The following QKI variants were observed in gnomAD, a reference collection of about 807,000 sequenced individuals.
QKI encodes QKI, KH domain containing RNA binding.
A neutral mutation model predicts 39.0 loss-of-function variants in QKI; 10 were observed. The ratio of observed to expected loss-of-function variants is 0.26; its 90% CI spans 0.16 to 0.43. QKI has a LOEUF of 0.43. Among genes scored for constraint, QKI ranks in the 20% least tolerant of loss-of-function variants. QKI has a pLI of 1.00. For synonymous variants in QKI, 204 were observed against 155.4 expected (o/e 1.31, Z -2.33); for missense variants, 218 against 428.0 (o/e 0.51, Z 4.33).
intron 1 of QKI, among the ~76,000 whole-genome samples, chr6:163,429,681 T>G (rs772013762): frequency 1.2e-4 from 19 of 152,206 alleles, no homozygotes; most frequent in Non-Finnish European, 2.4e-4. Flanking sequence ...CATTTTATGT[T>G]GCATTGCAGT....
At chr6:163,417,822 A>T (rs1171889109) in intron 1 of QKI, among the ~76,000 whole-genome samples, 1 of 152,182 alleles carries the variant, frequency 6.6e-6, no homozygotes, top group Non-Finnish European at 1.5e-5. Flanking sequence ...TGGGCAATAT[A>T]ATGACGAGGA....
intron 4 of QKI, 49 bp downstream of exon 4, chr6:163,535,174 C>A: frequency 1.3e-6 from 2 of 1,495,048 alleles, no homozygotes; most frequent in South Asian, 1.4e-5. Flanking sequence ...CCTTTTTTGT[C>A]AGTTTATTTT....
At chr6:163,463,986 C>T (rs1791538943) in intron 2 of QKI, among the ~76,000 whole-genome samples, 1 of 152,162 alleles carries the variant, frequency 6.6e-6, no homozygotes, top group South Asian at 2.1e-4. Context: ...TCAGCTCCCC[C>T]TCATCCCACA....
chr6:163,473,706 A>T (rs1473555782), intron 2 of QKI, among the ~76,000 whole-genome samples: 1 of 152,230 alleles, frequency 6.6e-6, no homozygotes. Flanking sequence ...AACTTTCTGT[A>T]GTGAAATCTC....
At chr6:163,559,463 T>A (rs1782858861) in intron 4 of QKI, among the ~76,000 whole-genome samples, 1 of 152,156 alleles carries the variant, frequency 6.6e-6, no homozygotes, top group Non-Finnish European at 1.5e-5. Context: ...TATAATGGAT[T>A]TGATTCTTCT....
chr6:163,503,440 T>C (rs1193754939), intron 3 of QKI, among the ~76,000 whole-genome samples: 2 of 152,186 alleles, frequency 1.3e-5, no homozygotes, highest in Non-Finnish European at 2.9e-5. Flanking sequence ...TTGAATTGTT[T>C]AAGTTCCTTA....
At chr6:163,526,938 A>G (rs924325547) in intron 3 of QKI, among the ~76,000 whole-genome samples, 1 of 152,196 alleles carries the variant, frequency 6.6e-6, no homozygotes, top group Non-Finnish European at 1.5e-5. Flanking sequence ...GGCAGTCAAT[A>G]AGTACTGTGT....
intron 3 of QKI, among the ~76,000 whole-genome samples, chr6:163,534,173 C>G (rs1781049569): frequency 1.3e-5 from 2 of 152,218 alleles, no homozygotes; most frequent in South Asian, 4.2e-4. Flanking sequence ...ACTTAACCTC[C>G]CTGTAGCTTA....
intron 2 of QKI, among the ~76,000 whole-genome samples, chr6:163,477,024 T>G (rs1792661953): frequency 6.7e-6 from 1 of 150,240 alleles, no homozygotes; most frequent in South Asian, 2.1e-4. Context: ...TGTTTTGTTT[T>G]TTTTTTTTTG....
chr6:163,514,167 G>T (rs1378808594), intron 3 of QKI, among the ~76,000 whole-genome samples: 1 of 152,122 alleles, frequency 6.6e-6, no homozygotes, highest in Admixed American at 6.6e-5. Flanking sequence ...AACACCTGTG[G>T]CTTACTGCTG....
chr6:163,472,023 C>T (rs1237879800), intron 2 of QKI, among the ~76,000 whole-genome samples: 2 of 152,102 alleles, frequency 1.3e-5, no homozygotes, highest in African/African-American at 4.8e-5. Flanking sequence ...GAAAGATATA[C>T]ACTTGACCCT....
chr6:163,552,312 C>T (rs1782282750), intron 4 of QKI, among the ~76,000 whole-genome samples: 1 of 150,474 alleles, frequency 6.6e-6, no homozygotes, highest in Admixed American at 6.6e-5. Context: ...GGGTTCATGC[C>T]ATTCTCCTGC....
At chr6:163,416,915 CA>C (rs4055816) in intron 1 of QKI, among the ~76,000 whole-genome samples, 8,659 of 147,026 alleles carry the variant, frequency 0.059, 362 homozygotes, top group African/African-American at 0.11. Flanking sequence ...TCTGGAATGT[CA>C]AAAAAAAAAA....
chr6:163,476,334 G>C (rs750678771), intron 2 of QKI, among the ~76,000 whole-genome samples: 1 of 148,936 alleles, frequency 6.7e-6, no homozygotes, highest in African/African-American at 2.5e-5. Flanking sequence ...TTTTCTCAAG[G>C]GTCAGTCTCT....
At chr6:163,521,832 A>G (rs1780181126) in intron 3 of QKI, among the ~76,000 whole-genome samples, 1 of 152,010 alleles carries the variant, frequency 6.6e-6, no homozygotes, top group Admixed American at 6.6e-5. Context: ...GTATTTTTTA[A>G]CCCAGAGGGA....
At chr6:163,566,831 T>G (rs1783391040) in intron 7 of QKI, 36 bp downstream of exon 7, 12 of 1,605,508 alleles carry the variant, frequency 7.5e-6, no homozygotes, top group Non-Finnish European at 1.0e-5. Context: ...CTATAAGAAA[T>G]GCGTTGGGTG....
At chr6:163,429,883 G>A (rs921896682) in intron 1 of QKI, among the ~76,000 whole-genome samples, 5 of 152,088 alleles carry the variant, frequency 3.3e-5, no homozygotes, top group African/African-American at 9.7e-5. Context: ...ATTCCTTCAA[G>A]TTATCTCAGT....
chr6:163,516,754 C>T (rs1779828100), intron 3 of QKI, among the ~76,000 whole-genome samples: 2 of 152,052 alleles, frequency 1.3e-5, no homozygotes, highest in Non-Finnish European at 2.9e-5. Context: ...TGTTTTCATA[C>T]TGAAATGAAT....
At chr6:163,502,654 T>A (rs1778845369) in intron 3 of QKI, among the ~76,000 whole-genome samples, 1 of 152,222 alleles carries the variant, frequency 6.6e-6, no homozygotes, top group Admixed American at 6.5e-5. Context: ...TATTATCATT[T>A]TGAACTTATT....
Sources: gnomAD v4.1 joint callset for allele counts (sites outside exome capture counted in the v4.1 genomes callset) on GRCh38, gnomAD v4.1.1 for gene constraint, MANE v1.5 for transcripts, NCBI Gene and HGNC (gene_info 2026-07-23, HGNC 2026-07-21) for gene names.